Variants in PDE4D observed in about 807,000 individuals in gnomAD.
The protein encoded by PDE4D is phosphodiesterase 4D.
PDE4D carries 24 observed loss-of-function variants against 87.4 expected under a neutral mutation model. The observed-to-expected ratio is 0.27, with a 90% confidence interval of 0.20 to 0.39. PDE4D has a LOEUF of 0.39. Among genes scored for constraint, PDE4D ranks in the 10% least tolerant of loss-of-function variants. PDE4D has a pLI of 1.00. For missense variants in PDE4D, 714 were observed against 1,041.0 expected (o/e 0.69, Z 4.32); for synonymous variants, 384 against 383.2 (o/e 1.00, Z -0.02).
intron 3 of PDE4D, among the ~76,000 whole-genome samples, chr5:59,949,597 A>G (rs1451754544): frequency 6.6e-6 from 1 of 152,192 alleles, no homozygotes; most frequent in Non-Finnish European, 1.5e-5. Flanking sequence ...GACTGCCTCT[A>G]TGACCAAGTG....
At chr5:60,251,378 G>A (rs1055137089) in intron 1 of PDE4D, among the ~76,000 whole-genome samples, 15 of 151,840 alleles carry the variant, frequency 9.9e-5, no homozygotes, top group African/African-American at 2.9e-4. Context: ...TCTTCTAGTC[G>A]GCCCCAGTGT....
At chr5:59,720,517 G>C (rs2150554850) in intron 1 of PDE4D, among the ~76,000 whole-genome samples, 1 of 152,210 alleles carries the variant, frequency 6.6e-6, no homozygotes, top group African/African-American at 2.4e-5. Flanking sequence ...TGTAAACAAG[G>C]ACCCCTCAGG....
intron 2 of PDE4D, among the ~76,000 whole-genome samples, chr5:60,137,535 T>G (rs1422763233): frequency 6.6e-6 from 1 of 152,214 alleles, no homozygotes; most frequent in Non-Finnish European, 1.5e-5. Context: ...TTTGGGTTTC[T>G]CTAAAGATCA....
At chr5:60,506,503 G>T (rs1022513548) in intron 1 of PDE4D, among the ~76,000 whole-genome samples, 1 of 152,162 alleles carries the variant, frequency 6.6e-6, no homozygotes, top group Non-Finnish European at 1.5e-5. Flanking sequence ...GGGAACAGTG[G>T]TAAATATTTG....
intron 1 of PDE4D, among the ~76,000 whole-genome samples, chr5:60,345,516 A>T (rs2149909147): frequency 6.6e-6 from 1 of 151,704 alleles, no homozygotes; most frequent in South Asian, 2.1e-4. Flanking sequence ...CTATTTGATG[A>T]GCATCTAAAA....
intron 2 of PDE4D, among the ~76,000 whole-genome samples, chr5:60,039,596 GA>G (rs535573620): frequency 1.6e-4 from 24 of 149,508 alleles, no homozygotes; most frequent in Admixed American, 6.6e-4. Flanking sequence ...AATAATAAAA[GA>G]AAAAAAATAA....
intron 6 of PDE4D, among the ~76,000 whole-genome samples, chr5:59,030,765 C>A (rs1195994776): frequency 6.6e-6 from 1 of 152,128 alleles, no homozygotes; most frequent in African/African-American, 2.4e-5. Flanking sequence ...ATCTCTAATT[C>A]TCAGGGAAAT....
intron 1 of PDE4D, among the ~76,000 whole-genome samples, chr5:60,258,813 A>C (rs907199250): frequency 1.3e-5 from 2 of 152,000 alleles, no homozygotes; most frequent in Admixed American, 1.3e-4. Flanking sequence ...TCCTATATAC[A>C]AAAGAGCAAA....
At chr5:59,753,400 T>C (rs1760769367) in intron 1 of PDE4D, among the ~76,000 whole-genome samples, 1 of 152,092 alleles carries the variant, frequency 6.6e-6, no homozygotes. Flanking sequence ...AATGGCCAGA[T>C]AAACAGAAGT....
chr5:59,827,919 G>A (rs1366290323), intron 1 of PDE4D, among the ~76,000 whole-genome samples: 2 of 152,022 alleles, frequency 1.3e-5, no homozygotes, highest in South Asian at 4.1e-4. Flanking sequence ...ATTTCCACTT[G>A]TATTAAGACA....
At chr5:59,995,868 T>C (rs924829804) in intron 2 of PDE4D, among the ~76,000 whole-genome samples, 3 of 152,308 alleles carry the variant, frequency 2.0e-5, no homozygotes, top group Middle Eastern at 3.4e-3. Flanking sequence ...ATATGCTAAA[T>C]AAATCTTGCT....
Position 59,015,464 on chromosome 5 carries a change from T to C in PDE4D, c.922-21999A>G, listed in dbSNP as rs1404457708. Among the ~76,000 whole-genome samples, 7 of 152,056 alleles carry C rather than the reference T, an allele frequency of 4.6e-5. No individual in the cohort carries two copies. In the East Asian group the frequency reaches 1.4e-3, roughly 29 times the overall value. ...CAACCCCATCAAAAAGTGGGTGAAG[T>C]ATATGAACAGACACTTCTCAAAAGA... On this transcript the variant is annotated intron_variant, in intron 6 of 14. Transcript: ENST00000340635.
chr5:59,150,056 TG>T (rs1305703372), intron 5 of PDE4D, among the ~76,000 whole-genome samples: 1 of 152,112 alleles, frequency 6.6e-6, no homozygotes, highest in African/African-American at 2.4e-5. Flanking sequence ...TCCTGTCATG[TG>T]GGAGGTCCAA....
intron 1 of PDE4D, among the ~76,000 whole-genome samples, chr5:60,361,645 T>C (rs1170960226): frequency 6.6e-6 from 1 of 152,182 alleles, no homozygotes; most frequent in African/African-American, 2.4e-5. Context: ...ACATTCCATT[T>C]CTACATGAGC....
Position 58,973,800 on chromosome 5 carries a change from A to G in PDE4D, c.*864T>C, listed in dbSNP as rs897606388. The G allele has an allele frequency of 5.3e-5, 8 of 151,866 alleles. No individual in the cohort carries two copies. The highest frequency in any genetic ancestry group is 1.0e-4 in the Non-Finnish European group (7 of 67,802). The allele number at this position is 151,866 out of a possible 1,614,324, so 9.4% of individuals were successfully genotyped here. ...GCAAAGTAAATAATAAAGACTTACA[A>G]AAAGGGTTTCCTGCAACATAAAGTT... On this transcript the variant is annotated 3_prime_UTR_variant, in exon 15 of 15. Coordinates refer to ENST00000340635, the MANE Select transcript of PDE4D (RefSeq NM_001104631.2).
intron 1 of PDE4D, among the ~76,000 whole-genome samples, chr5:59,687,360 T>C (rs1276409857): frequency 2.0e-5 from 3 of 152,158 alleles, no homozygotes; most frequent in African/African-American, 7.2e-5. Flanking sequence ...GGGAAGCCCA[T>C]CAGACTAACA....
intron 1 of PDE4D, among the ~76,000 whole-genome samples, chr5:59,465,001 C>T (rs1024773484): frequency 9.2e-5 from 14 of 152,118 alleles, no homozygotes; most frequent in African/African-American, 3.4e-4. Flanking sequence ...GGTAGCAGTC[C>T]CTGCACTGAA....
chr5:60,426,445 C>T (rs1272672591), intron 1 of PDE4D, among the ~76,000 whole-genome samples: 2 of 152,114 alleles, frequency 1.3e-5, no homozygotes, highest in African/African-American at 4.8e-5. Context: ...AAACCAAATA[C>T]CACATGTTCT....
chr5:59,855,212 T>C (rs1354944557), intron 1 of PDE4D, among the ~76,000 whole-genome samples: 3 of 152,238 alleles, frequency 2.0e-5, no homozygotes, highest in Middle Eastern at 3.4e-3. Flanking sequence ...TGGAACTTGA[T>C]GTACCCCTAG....
Sources: gnomAD v4.1 joint callset for allele counts (sites outside exome capture counted in the v4.1 genomes callset) on GRCh38, gnomAD v4.1.1 for gene constraint, MANE v1.5 for transcripts, NCBI Gene and HGNC (gene_info 2026-07-23, HGNC 2026-07-21) for gene names.